ARID1B: variants seen among roughly 807,000 people sequenced by gnomAD.
The protein encoded by ARID1B is AT-rich interactive domain-containing protein 1B.
ARID1B carries 30 observed loss-of-function variants against 212.3 expected under a neutral mutation model. That is an observed-to-expected ratio of 0.14 (90% CI 0.11 to 0.19). ARID1B has a LOEUF of 0.19. Among genes scored for constraint, ARID1B ranks in the 10% least tolerant of loss-of-function variants. The pLI is 1.00. For missense variants in ARID1B, 2,891 were observed against 3,204.0 expected (o/e 0.90, Z 2.36); for synonymous variants, 1,402 against 1,301.7 (o/e 1.08, Z -1.66).
chr6:157,119,993 A>G (rs1383501515), intron 6 of ARID1B, among the ~76,000 whole-genome samples: 2 of 152,256 alleles, frequency 1.3e-5, no homozygotes, highest in Non-Finnish European at 2.9e-5. Context: ...GCACAATTCA[A>G]ATAAGATTTT....
intron 5 of ARID1B, among the ~76,000 whole-genome samples, chr6:157,098,452 T>G (rs74749003): frequency 4.8e-4 from 73 of 152,246 alleles, no homozygotes; most frequent in Admixed American, 7.8e-4. Flanking sequence ...ACCTTGGAAT[T>G]GTATGCCTGA....
intron 1 of ARID1B, among the ~76,000 whole-genome samples, chr6:156,790,728 G>A (rs1779953459): frequency 6.6e-6 from 1 of 152,142 alleles, no homozygotes; most frequent in Non-Finnish European, 1.5e-5. Flanking sequence ...TTTCAGGAAG[G>A]CGCCATGCAT....
At chr6:157,008,843 G>T (rs1045621582) in intron 4 of ARID1B, among the ~76,000 whole-genome samples, 3 of 150,078 alleles carry the variant, frequency 2.0e-5, no homozygotes, top group Non-Finnish European at 2.9e-5. Context: ...TTTGTAATGG[G>T]TGGTGGTGCT....
At chr6:156,802,409 C>G (rs958564206) in intron 1 of ARID1B, among the ~76,000 whole-genome samples, 1 of 151,996 alleles carries the variant, frequency 6.6e-6, no homozygotes, top group Admixed American at 6.6e-5. Flanking sequence ...AATATTTTAC[C>G]CTTCTTTTTA....
chr6:157,000,014 T>C (rs1333012172), intron 4 of ARID1B, among the ~76,000 whole-genome samples: 4 of 152,156 alleles, frequency 2.6e-5, no homozygotes. Context: ...GGGAGGCTGA[T>C]TTCTTTTGGG....
At chr6:157,089,886 A>G (rs1196779694) in intron 5 of ARID1B, among the ~76,000 whole-genome samples, 2 of 151,174 alleles carry the variant, frequency 1.3e-5, no homozygotes. Flanking sequence ...ATCACGTTGC[A>G]CTTACACTGC....
At chr6:156,786,600 T>G (rs951881248) in intron 1 of ARID1B, among the ~76,000 whole-genome samples, 2 of 152,182 alleles carry the variant, frequency 1.3e-5, no homozygotes, top group African/African-American at 4.8e-5. Flanking sequence ...GGAAATGAAC[T>G]GTTACTTAAG....
At chr6:157,067,789 A>G (rs1228836498) in intron 4 of ARID1B, among the ~76,000 whole-genome samples, 1 of 151,204 alleles carries the variant, frequency 6.6e-6, no homozygotes, top group East Asian at 1.9e-4. Context: ...CTCTTTCCCC[A>G]TTTTCGTCTT....
chr6:156,959,564 G>C (rs761239421), intron 4 of ARID1B, among the ~76,000 whole-genome samples: 27 of 121,110 alleles, frequency 2.2e-4, no homozygotes, highest in Non-Finnish European at 3.8e-4. Context: ...GTAGGGTTTT[G>C]TACTTAAAAA....
intron 4 of ARID1B, among the ~76,000 whole-genome samples, chr6:157,039,641 C>G (rs968013457): frequency 8.7e-6 from 1 of 114,738 alleles, no homozygotes; most frequent in Admixed American, 8.2e-5. Context: ...TTCCTTCCTT[C>G]CTTCTTTCCT....
At chr6:156,950,457 G>A (rs1342645422) in intron 4 of ARID1B, among the ~76,000 whole-genome samples, 3 of 152,180 alleles carry the variant, frequency 2.0e-5, no homozygotes, top group Non-Finnish European at 4.4e-5. Context: ...ATAGGTTTGT[G>A]TATATATATG....
chr6:157,089,823 A>G (rs140832886), intron 5 of ARID1B, among the ~76,000 whole-genome samples: 1 of 152,314 alleles, frequency 6.6e-6, no homozygotes, highest in East Asian at 1.9e-4. Flanking sequence ...GGTACAGTTA[A>G]TTCTGAAATG....
intron 1 of ARID1B, among the ~76,000 whole-genome samples, chr6:156,809,566 C>G (rs1324626372): frequency 6.6e-6 from 1 of 151,852 alleles, no homozygotes; most frequent in East Asian, 1.9e-4. Flanking sequence ...TTAGAGAAAC[C>G]CAGTCAGAAT....
At chr6:157,135,381 G>T (rs893664100) in intron 7 of ARID1B, among the ~76,000 whole-genome samples, 1 of 152,098 alleles carries the variant, frequency 6.6e-6, no homozygotes. Context: ...CTTTTTGTTT[G>T]AGTGTTTTAA....
At chr6:156,843,209 T>C (rs1456624581) in intron 2 of ARID1B, among the ~76,000 whole-genome samples, 1 of 152,248 alleles carries the variant, frequency 6.6e-6, no homozygotes, top group Non-Finnish European at 1.5e-5. Flanking sequence ...ATTATTGTAT[T>C]GTCTTCATGG....
Position 157,201,339 on chromosome 6 carries a change from A to T in ARID1B, c.5114A>T (p.Lys1705Met). 2 of 1,613,982 alleles carry T rather than the reference A, an allele frequency of 1.2e-6. No homozygotes were observed. Among genetic ancestry groups the T allele is most frequent in the Non-Finnish European group, 8.5e-7 (1 of 1,179,954 alleles). ...SPFLPSMKMQ[K>M]VMPTVPTSQV... is the part of the protein sequence containing the mutation. ...TTTCTGCCGTCTATGAAGATGCAGA[A>T]GGTCATGCCCACGGTCCCCACATCC... Residue 1705 changes from lysine to methionine, a missense_variant, in exon 18 of 20, where the codon AAG (lysine) becomes ATG (methionine). Physicochemically the swap from Lys to Met is moderately conservative, Grantham distance 95 (BLOSUM62 -1). Around this residue, in one of 7 missense-constraint regions of ARID1B, gnomAD observed 666 missense variants for 873.5 expected, o/e 0.76. Transcript: ENST00000636930. This position sits in a 1 kb window ranked among gnomAD's most constrained non-coding sequence, Gnocchi z 5.2.
chr6:157,177,596 A>G (rs1374929921), intron 11 of ARID1B, among the ~76,000 whole-genome samples: 3 of 152,250 alleles, frequency 2.0e-5, no homozygotes, highest in Non-Finnish European at 4.4e-5. Context: ...ATACACATAC[A>G]CATATTACCA....
At chr6:156,781,199 GA>G (rs1425242393) in intron 1 of ARID1B, among the ~76,000 whole-genome samples, 1 of 152,018 alleles carries the variant, frequency 6.6e-6, no homozygotes, top group African/African-American at 2.4e-5. Context: ...ATTAAAAGGG[GA>G]AAAATGAGAT....
chr6:157,199,610 T>TA (rs1489574958), intron 17 of ARID1B, among the ~76,000 whole-genome samples: 1 of 149,670 alleles, frequency 6.7e-6, no homozygotes, highest in Non-Finnish European at 1.5e-5. Context: ...TAATTATATA[T>TA]AATAATATGT....
Sources: allele counts gnomAD v4.1 joint callset (sites outside exome capture counted in the v4.1 genomes callset), GRCh38; gene constraint gnomAD v4.1.1; regional missense constraint gnomAD v4.1.1; non-coding constraint Gnocchi (gnomAD v3.1); transcripts MANE v1.5; gene names NCBI Gene and HGNC (gene_info 2026-07-23, HGNC 2026-07-21).